The following CNTLN variants were observed in gnomAD, a reference collection of about 807,000 sequenced individuals.
CNTLN encodes the protein centlein, also known as centlein, centrosomal protein.
In CNTLN, 212 loss-of-function variants were observed where a neutral mutation model predicts 180.0. The ratio of observed to expected loss-of-function variants is 1.18; its 90% confidence interval spans 1.05 to 1.32. CNTLN has a LOEUF of 1.32. Ranked by LOEUF, CNTLN falls within the 40% of genes most tolerant of loss-of-function variation. The probability of loss-of-function intolerance (pLI) is 0.00; values close to 1 mark genes in which losing one functional copy is unlikely to be tolerated. For missense variants in CNTLN, 2,095 were observed against 1,610.9 expected, an observed-to-expected ratio of 1.30 and a Z score of -5.14; for synonymous variants, 722 against 563.1, an observed-to-expected ratio of 1.28 and a Z score of -3.99.
At chr9:17,425,071 A>T (rs1390675108) in intron 18 of CNTLN, among the ~76,000 whole-genome samples, 2 of 152,208 alleles carry the variant, frequency 1.3e-5, no homozygotes, top group African/African-American at 4.8e-5. Flanking sequence ...TTTAGCGAAA[A>T]CAGAGTAACC....
chr9:17,333,234 A>G (rs1388328479), intron 10 of CNTLN, among the ~76,000 whole-genome samples: 1 of 152,138 alleles, frequency 6.6e-6, no homozygotes, highest in African/African-American at 2.4e-5. Flanking sequence ...TGAGCACTCT[A>G]CCATGTTTAA....
chr9:17,250,709 ATTTATGTAGTT>A, intron 5 of CNTLN, among the ~76,000 whole-genome samples: 1 of 152,040 alleles, frequency 6.6e-6, no homozygotes, highest in South Asian at 2.1e-4. Context: ...TTTATACACT[ATTTATGTAGTT>A]TTTATGTAGT....
chr9:17,223,423 C>G (rs1563897964), intron 2 of CNTLN, among the ~76,000 whole-genome samples: 1 of 151,932 alleles, frequency 6.6e-6, no homozygotes, highest in Non-Finnish European at 1.5e-5. Context: ...GCATCTCAAA[C>G]TTAGTATGTC....
chr9:17,413,836 C>T (rs1463709299), intron 16 of CNTLN, among the ~76,000 whole-genome samples: 1 of 152,132 alleles, frequency 6.6e-6, no homozygotes. Flanking sequence ...ACTTACCATA[C>T]AACCCAGCTA....
At chr9:17,209,852 A>C (rs986113185) in intron 2 of CNTLN, among the ~76,000 whole-genome samples, 2 of 152,268 alleles carry the variant, frequency 1.3e-5, no homozygotes, top group African/African-American at 2.4e-5. Flanking sequence ...TTCATAGGCA[A>C]TTTTGATATT....
the CNTLN span, among the ~76,000 whole-genome samples, chr9:17,517,626 G>A: frequency 1.3e-5 from 2 of 151,952 alleles, no homozygotes; most frequent in Admixed American, 1.3e-4. Flanking sequence ...TGCCTCGGCT[G>A]AAGGAAGGCC....
Position 17,263,202 on chromosome 9 carries a change from C to T in CNTLN, c.850-10531C>T, listed in dbSNP as rs368276169. 2.4e-5 allele frequency among the ~76,000 whole-genome samples: 3 copies of T among 123,852 alleles called. No individual in the cohort carries two copies. The East Asian group carries it at 8.4e-4, about 35-fold the overall frequency. 81.3% of individuals were successfully genotyped at this position (123,852 alleles called of 152,430 possible). On this transcript the variant is annotated intron_variant, in intron 5 of 25. Transcript: ENST00000380647. ...TGCTATCCCTCCCCCCTCCCCCCAC[C>T]CCACAACAGTCCCCGGAGTGTGATG...
intron 8 of CNTLN, among the ~76,000 whole-genome samples, chr9:17,318,750 C>T (rs1202741281): frequency 6.6e-6 from 1 of 152,124 alleles, no homozygotes; most frequent in Non-Finnish European, 1.5e-5. Flanking sequence ...CTTAACATTT[C>T]TGCCCATTAG....
chr9:17,473,444 G>T (rs529419802), intron 23 of CNTLN, among the ~76,000 whole-genome samples: 8 of 151,774 alleles, frequency 5.3e-5, no homozygotes, highest in Non-Finnish European at 1.2e-4. Context: ...CTGCATGCCC[G>T]TCTAGAGCTA....
At chr9:17,238,464 C>T (rs1663221749) in intron 5 of CNTLN, among the ~76,000 whole-genome samples, 1 of 152,148 alleles carries the variant, frequency 6.6e-6, no homozygotes, top group Non-Finnish European at 1.5e-5. Context: ...TAGCTACCTT[C>T]CTGGAAAGTA....
rs1178569038 is a variant in CNTLN, at chr9:17,394,521, C to A, written c.2080-13C>A. 1 of 1,483,420 alleles carries A rather than the reference C, an allele frequency of 6.7e-7. No individual in the cohort carries two copies. The highest frequency in any genetic ancestry group is 9.1e-7 in the Non-Finnish European group (1 of 1,098,058). The allele number at this position is 1,483,420 out of a possible 1,614,324, so 91.9% of individuals were successfully genotyped here. On this transcript the variant is annotated splice_polypyrimidine_tract_variant and intron_variant, in intron 14 of 25. Transcript: ENST00000380647. ...GTTTTTGGATTCTTAAAAGAATAAA[C>A]TCTTTCCTTTAGGTCACTGAGTTGG...
chr9:17,372,085 T>C, intron 13 of CNTLN, among the ~76,000 whole-genome samples: 1 of 151,878 alleles, frequency 6.6e-6, no homozygotes, highest in East Asian at 1.9e-4. Flanking sequence ...AACCCAAAAT[T>C]AGTAAAAGAA....
At chr9:17,154,270 G>GT (rs1212994506) in intron 2 of CNTLN, among the ~76,000 whole-genome samples, 5 of 152,158 alleles carry the variant, frequency 3.3e-5, no homozygotes, top group Non-Finnish European at 7.4e-5. Context: ...TTTTTGCACT[G>GT]TTTTTTCCCC....
chr9:17,305,096 A>G (rs1489750063), intron 7 of CNTLN, among the ~76,000 whole-genome samples: 1 of 152,176 alleles, frequency 6.6e-6, no homozygotes, highest in Non-Finnish European at 1.5e-5. Context: ...CTAATAAAAT[A>G]TTCGAAAAGG....
intron 18 of CNTLN, among the ~76,000 whole-genome samples, chr9:17,456,011 G>T (rs1456403206): frequency 1.3e-5 from 2 of 152,142 alleles, no homozygotes; most frequent in Non-Finnish European, 2.9e-5. Context: ...TGGAATGAAG[G>T]TAGGGAAAGG....
At chr9:17,526,001 T>C in the CNTLN span, among the ~76,000 whole-genome samples, 4 of 152,160 alleles carry the variant, frequency 2.6e-5, no homozygotes, top group Non-Finnish European at 4.4e-5. Context: ...AGTGGCGCAA[T>C]CTCGGCTCAC....
rs111435817 is a variant in CNTLN, at chr9:17,143,712, G to A, written c.449+336G>A. Among the ~76,000 whole-genome samples the A allele has an allele frequency of 6.9e-3, 1,056 of 152,202 alleles. 10 individuals are homozygous for A. The highest frequency in any genetic ancestry group is 8.1e-3 in the Admixed American group (124 of 15,294). On this transcript the variant is annotated intron_variant, in intron 2 of 25. Coordinates refer to ENST00000380647, the MANE Select transcript of CNTLN (RefSeq NM_017738.4). ...CCTGTTGTTTGACTTTTTACTCCATGGACTGCCTCTATAGGGAACTTACTA... is the reference window on the plus strand; with the variant it reads ...CCTGTTGTTTGACTTTTTACTCCATAGACTGCCTCTATAGGGAACTTACTA...
chr9:17,258,158 G>C (rs1480646515), intron 5 of CNTLN, among the ~76,000 whole-genome samples: 1 of 146,164 alleles, frequency 6.8e-6, no homozygotes, highest in Non-Finnish European at 1.5e-5. Context: ...TTTTGTATAA[G>C]GTGTAAGGAA....
At chr9:17,403,773 G>T (rs995045222) in intron 15 of CNTLN, among the ~76,000 whole-genome samples, 12 of 151,750 alleles carry the variant, frequency 7.9e-5, no homozygotes, top group African/African-American at 1.2e-4. Flanking sequence ...CAGACTGAAA[G>T]ACACATTTTC....
Sources: allele counts gnomAD v4.1 joint callset (sites outside exome capture counted in the v4.1 genomes callset), GRCh38; gene constraint gnomAD v4.1.1; transcripts MANE v1.5; gene names NCBI Gene and HGNC (gene_info 2026-07-23, HGNC 2026-07-21).